Variants in ADGRB3 observed in about 807,000 individuals in gnomAD.
ADGRB3 encodes the protein brain-specific angiogenesis inhibitor 3.
Under a neutral mutation model 193.4 loss-of-function variants are expected in ADGRB3, and 37 were observed. That is an observed-to-expected ratio of 0.19 (90% CI 0.15 to 0.25). ADGRB3 has a LOEUF of 0.25. Ranked by LOEUF, ADGRB3 falls within the 10% of genes least tolerant of loss-of-function variation. ADGRB3 has a pLI of 1.00. For synonymous variants in ADGRB3, 690 were observed against 644.2 expected, an observed-to-expected ratio of 1.07 and a Z score of -1.08; for missense variants, 1,637 against 1,852.9, an observed-to-expected ratio of 0.88 and a Z score of 2.14.
chr6:68,914,408 A>G (rs972085646), intron 3 of ADGRB3, among the ~76,000 whole-genome samples: 1 of 152,134 alleles, frequency 6.6e-6, no homozygotes, highest in African/African-American at 2.4e-5. Context: ...TAAAGAAAAG[A>G]ATTTTCAACC....
At chr6:68,681,749 G>A (rs553224685) in intron 3 of ADGRB3, among the ~76,000 whole-genome samples, 2 of 152,110 alleles carry the variant, frequency 1.3e-5, no homozygotes, top group Admixed American at 1.3e-4. Context: ...AATAGGACTA[G>A]GCACTAGGTT....
At chr6:68,887,967 C>A (rs1270542060) in intron 3 of ADGRB3, among the ~76,000 whole-genome samples, 1 of 152,286 alleles carries the variant, frequency 6.6e-6, no homozygotes, top group South Asian at 2.1e-4. Context: ...GAGTTTTCAC[C>A]CTTCTCATAT....
chr6:68,851,665 C>T (rs1465042864), intron 3 of ADGRB3, among the ~76,000 whole-genome samples: 2 of 151,698 alleles, frequency 1.3e-5, no homozygotes, highest in Non-Finnish European at 3.0e-5. Flanking sequence ...TGAATATGTA[C>T]AAGTCTTATT....
chr6:68,869,770 G>A (rs1415148372), intron 3 of ADGRB3, among the ~76,000 whole-genome samples: 1 of 130,968 alleles, frequency 7.6e-6, no homozygotes, highest in African/African-American at 2.8e-5. Context: ...ATTTGCAGGG[G>A]AGGGGGGCGG....
chr6:68,639,494 G>A (rs1768032500), intron 3 of ADGRB3, 62 bp downstream of exon 3: 1 of 1,471,510 alleles, frequency 6.8e-7, no homozygotes, highest in Non-Finnish European at 9.0e-7. Flanking sequence ...GAGTTAAAAC[G>A]TGCTGTTTCA....
At chr6:68,676,406 A>G (rs547518814) in intron 3 of ADGRB3, among the ~76,000 whole-genome samples, 21 of 143,708 alleles carry the variant, frequency 1.5e-4, no homozygotes, top group African/African-American at 2.2e-4. Context: ...AAAAAAAAAA[A>G]AAAAAGAAAA....
At chr6:68,696,155 G>T (rs1455260817) in intron 3 of ADGRB3, among the ~76,000 whole-genome samples, 1 of 151,950 alleles carries the variant, frequency 6.6e-6, no homozygotes, top group African/African-American at 2.4e-5. Flanking sequence ...AATTAGCCAA[G>T]ATTAACACTT....
chr6:68,780,168 C>T (rs1186091534), intron 3 of ADGRB3, among the ~76,000 whole-genome samples: 1 of 152,018 alleles, frequency 6.6e-6, no homozygotes, highest in Non-Finnish European at 1.5e-5. Context: ...TTTAGAAGTT[C>T]ATTCCCTAAC....
At chr6:69,207,113 G>C (rs982359154) in intron 17 of ADGRB3, among the ~76,000 whole-genome samples, 1 of 152,162 alleles carries the variant, frequency 6.6e-6, no homozygotes, top group Non-Finnish European at 1.5e-5. Context: ...TTGACTTAAA[G>C]GTAGGAGGAG....
rs375444512 is a variant in ADGRB3 at position 69,254,575 on chromosome 6, A to G, written c.2814+15349A>G. Among the ~76,000 whole-genome samples, 180 of 152,264 alleles carry G rather than the reference A, an allele frequency of 1.2e-3. 2 individuals are homozygous for G. In the South Asian group the frequency reaches 0.03, roughly 25 times the overall value. ...TTTTTTATACTGTCAAGAAAAAATG[A>G]TGCATTTTCTTTATTCATTAAATCT... is the stretch of plus-strand genomic sequence containing the variant. On this transcript the variant is annotated intron_variant, in intron 20 of 31. Coordinates refer to ENST00000370598, the MANE Select transcript of ADGRB3 (RefSeq NM_001704.3).
intron 17 of ADGRB3, among the ~76,000 whole-genome samples, chr6:69,218,590 T>A (rs1765823171): frequency 6.6e-6 from 1 of 152,212 alleles, no homozygotes; most frequent in Non-Finnish European, 1.5e-5. Flanking sequence ...TACTGTAATA[T>A]ACCCAGCAGA....
chr6:68,924,413 C>T (rs1033595857), intron 3 of ADGRB3, among the ~76,000 whole-genome samples: 2 of 151,898 alleles, frequency 1.3e-5, no homozygotes, highest in Non-Finnish European at 2.9e-5. Context: ...TTGAGGAGTT[C>T]CAAAAGAAAA....
At chr6:69,229,000 T>C (rs949003119) in intron 17 of ADGRB3, among the ~76,000 whole-genome samples, 5 of 152,168 alleles carry the variant, frequency 3.3e-5, no homozygotes, top group Non-Finnish European at 7.4e-5. Flanking sequence ...CCAAGTCCTA[T>C]CATAGGGTTT....
chr6:69,078,417 T>G (rs1345114424), intron 17 of ADGRB3, among the ~76,000 whole-genome samples: 1 of 152,046 alleles, frequency 6.6e-6, no homozygotes, highest in Non-Finnish European at 1.5e-5. Context: ...ATTTATACAT[T>G]GACGTGTATT....
intron 3 of ADGRB3, among the ~76,000 whole-genome samples, chr6:68,861,342 G>A (rs1223114224): frequency 6.6e-6 from 1 of 152,078 alleles, no homozygotes; most frequent in Non-Finnish European, 1.5e-5. Context: ...GGGAGGCCGA[G>A]GCAGGCAGAT....
chr6:69,235,417 G>A (rs906918147), intron 19 of ADGRB3, among the ~76,000 whole-genome samples: 1 of 152,014 alleles, frequency 6.6e-6, no homozygotes, highest in Non-Finnish European at 1.5e-5. Context: ...CCCAAGCATA[G>A]TACTCTTACA....
intron 3 of ADGRB3, among the ~76,000 whole-genome samples, chr6:68,661,560 T>G (rs1396354405): frequency 6.1e-5 from 6 of 98,412 alleles, no homozygotes; most frequent in Admixed American, 1.1e-4. Context: ...TATATATATA[T>G]ATATATATAT....
intron 3 of ADGRB3, among the ~76,000 whole-genome samples, chr6:68,897,446 AAGGG>A (rs1325603561): frequency 2.9e-4 from 25 of 87,668 alleles, no homozygotes; most frequent in Admixed American, 1.1e-3. Flanking sequence ...GGATTGAAGG[AAGGG>A]AGGGAGGGAG....
chr6:68,893,582 T>C (rs937285894), intron 3 of ADGRB3, among the ~76,000 whole-genome samples: 2 of 150,630 alleles, frequency 1.3e-5, no homozygotes, highest in African/African-American at 4.9e-5. Context: ...CTATGAATGA[T>C]TTAAAAAGAA....
Sources: allele counts gnomAD v4.1 joint callset (sites outside exome capture counted in the v4.1 genomes callset), GRCh38; gene constraint gnomAD v4.1.1; transcripts MANE v1.5; gene names NCBI Gene and HGNC (gene_info 2026-07-23, HGNC 2026-07-21).